The following SACS variants were observed in gnomAD, a reference collection of about 807,000 sequenced individuals.
SACS encodes sacsin.
In SACS, 197 loss-of-function variants were observed where a neutral mutation model predicts 348.0. The observed-to-expected ratio is 0.57, with a 90% CI of 0.50 to 0.64. The LOEUF (loss-of-function observed/expected upper bound fraction) is 0.64, where lower values mean the gene tolerates loss of function less well. Ranked by LOEUF, SACS falls within the 30% of genes least tolerant of loss-of-function variation. The pLI, the probability that SACS is intolerant of heterozygous loss-of-function variation, is 0.00. For synonymous variants in SACS, 1,985 were observed against 1,910.6 expected (o/e 1.04, Z -1.02); for missense variants, 4,999 against 5,360.8 (o/e 0.93, Z 2.11).
intron 3 of SACS, among the ~76,000 whole-genome samples, chr13:23,374,817 G>A (rs1871635173): frequency 6.6e-6 from 1 of 151,452 alleles, no homozygotes; most frequent in Non-Finnish European, 1.5e-5. Context: ...AATGAGTAAT[G>A]ATTAAATCAC....
chr13:23,371,892 T>C (rs2137819764), intron 3 of SACS, among the ~76,000 whole-genome samples: 1 of 152,364 alleles, frequency 6.6e-6, no homozygotes, highest in East Asian at 1.9e-4. Flanking sequence ...ACACTGTTCT[T>C]GTTCTCTGGT....
chr13:23,333,679 C>T lies in SACS; in HGVS notation c.10197G>A (p.Met3399Ile). Residue 3399 changes from methionine to isoleucine, a missense_variant, in exon 10 of 10, where the codon ATG becomes ATA. Met to Ile is a conservative substitution (Grantham distance 10, BLOSUM62 1). This residue lies in a region of SACS where 734 missense variants were observed against 694.0 expected (regional missense o/e 1.06). Coordinates refer to ENST00000382292, the MANE Select transcript of SACS (RefSeq NM_014363.6). ...TTAGAATTTTTATATCATCTTGGGA[C>T]ATCAAATGATTCAAATTGCAGTTGA... ...MYFNCNLNHL[M>I]SQDDIKILKS... 2 of 1,613,686 alleles carry T rather than the reference C, an allele frequency of 1.2e-6. No individual in the cohort carries two copies. Among genetic ancestry groups the T allele is most frequent in the South Asian group, 2.2e-5 (2 of 91,062 alleles).
Position 23,340,681 on chromosome 13 carries a change from A to G in SACS, c.3195T>C (p.Phe1065=), listed in dbSNP as rs746916622. Residue 1065 remains phenylalanine (F), a synonymous_variant, in exon 10 of 10, where the codon TTT becomes TTC. Coordinates refer to ENST00000382292, the MANE Select transcript of SACS (RefSeq NM_014363.6). The part of the protein sequence containing the change: ...DPDIEVLKDL[F]CNEEGTYFPP... ...GGAAATAGGTTCCTTCTTCATTACA[A>G]AAGAGATCCTTTAGTACTTCTATAT... 7 of 1,594,118 alleles carry G rather than the reference A, an allele frequency of 4.4e-6. No individual in the cohort carries two copies. In the Admixed American group the frequency reaches 5.4e-5, roughly 12 times the overall value.
At chr13:23,430,225 A>T (rs1290700060) in intron 1 of SACS, among the ~76,000 whole-genome samples, 2 of 151,868 alleles carry the variant, frequency 1.3e-5, no homozygotes, top group Non-Finnish European at 2.9e-5. Flanking sequence ...AAAAATTAAT[A>T]AATAAAACTA....
In SACS at chr13:23,336,689, G is replaced by A; in HGVS notation, c.7187C>T (p.Thr2396Ile). The A allele has an allele frequency of 6.2e-7, 1 of 1,613,802 alleles. No homozygotes were observed. The highest frequency in any genetic ancestry group is 8.5e-7 in the Non-Finnish European group (1 of 1,179,858). The change falls in exon 10 of 10, where the codon ACT (threonine) becomes ATT (isoleucine). Residue 2396 changes from threonine to isoleucine, a missense_variant. Physicochemically the swap from Thr to Ile is moderately conservative, Grantham distance 89. This residue lies in a region of SACS where 3,156 missense variants were observed against 3,380.1 expected (regional missense o/e 0.93). Coordinates refer to ENST00000382292, the MANE Select transcript of SACS (RefSeq NM_014363.6). The stretch of plus-strand genomic sequence containing the variant: ...CAAAACAAGAGCAAAATCTTCAACA[G>A]TGCATGACTGCCTCACACCCACGGT... ...FETVGVRQSC[T>I]VEDFALVLES...
chr13:23,402,834 G>C (rs1262368720), intron 2 of SACS, among the ~76,000 whole-genome samples: 2 of 152,164 alleles, frequency 1.3e-5, no homozygotes, highest in East Asian at 3.9e-4. Flanking sequence ...TGCAGATAAA[G>C]TCTGAGAGCA....
chr13:23,426,368 C>G (rs775053495), intron 1 of SACS, among the ~76,000 whole-genome samples: 1 of 152,140 alleles, frequency 6.6e-6, no homozygotes, highest in Non-Finnish European at 1.5e-5. Flanking sequence ...AGGCCAGGTG[C>G]AGTGGCCCAC....
rs747646003 is a variant in SACS, at chr13:23,365,271, T to C, written c.352A>G (p.Ile118Val). The C allele has an allele frequency of 6.3e-7, 1 of 1,595,010 alleles. No homozygotes were observed. Among genetic ancestry groups the C allele is most frequent in the Non-Finnish European group, 8.6e-7 (1 of 1,167,588 alleles). ...PEGGQILKEL[I>V]QNAEDAGATE... ...GCCCCAGCATCTTCTGCATTCTGAA[T>C]TAATTCCTAACCAAAAAATATACCA... Residue 118 changes from isoleucine to valine, a missense_variant, in exon 6 of 10, where the codon ATT (isoleucine) becomes GTT (valine). Transcript: ENST00000382292.
At chr13:23,381,384 CA>C (rs1346847377) in intron 2 of SACS, among the ~76,000 whole-genome samples, 1 of 151,804 alleles carries the variant, frequency 6.6e-6, no homozygotes, top group African/African-American at 2.4e-5. Flanking sequence ...CACACACACA[CA>C]CACACACACA....
In SACS at chr13:23,368,470, T is replaced by C. The variant is rs1326236975; in HGVS notation, c.277A>G (p.Thr93Ala). ...TTGAGAAAATCAACAAGTGGTGGCG[T>C]TGTCTGACCAAATCGACCTAAAATA... The part of the protein sequence containing the change: ...LKGGGRFGQT[T>A]PPLVDFLKDI... Residue 93 changes from threonine to alanine, a missense_variant, in exon 5 of 10, where the codon ACG becomes GCG. By Grantham distance (58) the Thr-to-Ala change is moderately conservative (BLOSUM62 0). Around this residue, in one of 6 missense-constraint regions of SACS, gnomAD observed 3,156 missense variants for 3,380.1 expected, o/e 0.93. Transcript: ENST00000382292. 3.7e-6 allele frequency: 6 copies of C among 1,612,880 alleles called. No homozygotes were observed. The highest frequency in any genetic ancestry group is 1.7e-4 in the Middle Eastern group (1 of 6,060).
rs753282918 is a variant in SACS, at chr13:23,329,476, A to G, written c.*660T>C. ...AGTTTTCCGTTGCTATCTTCATCAAACAGGAAGCCTGTAAACATAAGATGT... is the reference window on the plus strand; with the variant it reads ...AGTTTTCCGTTGCTATCTTCATCAAGCAGGAAGCCTGTAAACATAAGATGT... On this transcript the variant is annotated 3_prime_UTR_variant, in exon 10 of 10. Coordinates refer to ENST00000382292, the MANE Select transcript of SACS (RefSeq NM_014363.6). The G allele has an allele frequency of 2.6e-6, 2 of 768,882 alleles. No homozygotes were observed. The highest frequency in any genetic ancestry group is 3.4e-5 in the African/African-American group (2 of 58,648). 47.6% of individuals were successfully genotyped at this position (768,882 alleles called of 1,614,324 possible).
intron 1 of SACS, among the ~76,000 whole-genome samples, chr13:23,421,526 A>C (rs1873939440): frequency 6.6e-6 from 1 of 151,900 alleles, no homozygotes; most frequent in Non-Finnish European, 1.5e-5. Flanking sequence ...ATAGTGTCTT[A>C]TGTTCCCCTT....
Position 23,371,143 on chromosome 13 carries a change from C to A in SACS, c.194G>T (p.Gly65Val). ...ATGACAATTTTTGGAAGTCAGATCTCCAATCTTGATCCAGTCAGATAACTG... is the reference window on the plus strand; with the variant it reads ...ATGACAATTTTTGGAAGTCAGATCTACAATCTTGATCCAGTCAGATAACTG... ...GRELSDWIKIGDLTSKNCHLF... is the reference protein window; with the variant it reads ...GRELSDWIKIVDLTSKNCHLF... The change falls in exon 4 of 10, where the codon GGA becomes GTA. Residue 65 changes from glycine to valine, a missense_variant. By Grantham distance (109) the Gly-to-Val change is moderately radical (BLOSUM62 -3). Transcript: ENST00000382292. 2 of 1,611,184 alleles carry A rather than the reference C, an allele frequency of 1.2e-6. No individual in the cohort carries two copies. The highest frequency in any genetic ancestry group is 1.7e-6 in the Non-Finnish European group (2 of 1,177,740).
intron 1 of SACS, among the ~76,000 whole-genome samples, chr13:23,419,960 C>T (rs1019077773): frequency 1.3e-5 from 2 of 152,122 alleles, no homozygotes; most frequent in African/African-American, 4.8e-5. Context: ...CTGGGCCTAG[C>T]TGCCCACATG....
intron 2 of SACS, among the ~76,000 whole-genome samples, chr13:23,400,487 C>T (rs1188248080): frequency 6.6e-6 from 1 of 152,176 alleles, no homozygotes; most frequent in Non-Finnish European, 1.5e-5. Flanking sequence ...GTGGTGCCAT[C>T]TCGGCTCACT....
intron 3 of SACS, chr13:23,374,144 T>C (rs1383362617): frequency 6.6e-6 from 1 of 152,264 alleles, no homozygotes; most frequent in Non-Finnish European, 1.5e-5. Context: ...ATCAAGTCAA[T>C]GTCTGCATGC....
chr13:23,402,973 G>A (rs1408805086), intron 2 of SACS, among the ~76,000 whole-genome samples: 4 of 152,008 alleles, frequency 2.6e-5, no homozygotes, highest in Admixed American at 6.6e-5. Context: ...GCAGGAGTTC[G>A]AGACCAGCCT....
intron 2 of SACS, chr13:23,375,675 A>T (rs1206375234): frequency 5.4e-6 from 3 of 558,910 alleles, no homozygotes; most frequent in Non-Finnish European, 2.1e-6. Context: ...GCCCCCAGGG[A>T]ACGCCCATCC....
At chr13:23,399,463 G>T (rs965246469) in intron 2 of SACS, among the ~76,000 whole-genome samples, 52 of 151,990 alleles carry the variant, frequency 3.4e-4, no homozygotes, top group African/African-American at 1.2e-3. Context: ...CCTTTGCCGT[G>T]CCCTGACATG....
Sources: gnomAD v4.1 joint callset for allele counts (sites outside exome capture counted in the v4.1 genomes callset) on GRCh38, gnomAD v4.1.1 for gene constraint, gnomAD v4.1.1 regional missense constraint, MANE v1.5 for transcripts, NCBI Gene and HGNC (gene_info 2026-07-23, HGNC 2026-07-21) for gene names.